The following LTBP4 variants were observed in gnomAD, a reference collection of about 807,000 sequenced individuals.
LTBP4 encodes latent-transforming growth factor beta-binding protein 4.
LTBP4 carries 93 observed loss-of-function variants against 180.2 expected under a neutral mutation model. The ratio of observed to expected loss-of-function variants is 0.52; its 90% CI spans 0.44 to 0.61. The LOEUF is 0.61. Among genes scored for constraint, LTBP4 ranks in the 20% least tolerant of loss-of-function variants. LTBP4 has a pLI of 0.00. For missense variants in LTBP4, 2,116 were observed against 2,256.5 expected, an observed-to-expected ratio of 0.94 and a Z score of 1.26; for synonymous variants, 947 against 934.5, an observed-to-expected ratio of 1.01 and a Z score of -0.24.
At chr19:40,604,887 G>A (rs1257042523) in intron 1 of LTBP4, 148 bp from the exon 2 acceptor site, 2 of 674,844 alleles carry the variant, frequency 3.0e-6, no homozygotes, top group Non-Finnish European at 5.0e-6. Context: ...ACTGGACTGG[G>A]CCAATGCTGA....
At chr19:40,599,359 G>A (rs2081407889), upstream of LTBP4, 3 of 1,610,528 alleles carry the variant, frequency 1.9e-6, no homozygotes, top group East Asian at 6.7e-5. Flanking sequence ...AGAGCTGGAT[G>A]CATTTGGTAG....
intron 26 of LTBP4, 64 bp from the exon 27 acceptor site, chr19:40,625,793 G>C: frequency 7.1e-7 from 1 of 1,410,514 alleles, no homozygotes; most frequent in Non-Finnish European, 9.4e-7. Flanking sequence ...GCAGGGGAAG[G>C]GTCCAGCCCC....
intron 28 of LTBP4, 71 bp from the exon 29 acceptor site, chr19:40,627,634 G>T (rs1238293328): frequency 1.3e-6 from 2 of 1,509,832 alleles, no homozygotes; most frequent in Non-Finnish European, 8.9e-7. Flanking sequence ...AGCCAAGGAC[G>T]CGCACCCACC....
In LTBP4 at chr19:40,622,577, C is replaced by T. The variant is rs376662567; in HGVS notation, c.3394C>T (p.Arg1132Trp). The change falls in exon 23 of 30, where the codon CGG becomes TGG. Residue 1132 changes from arginine to tryptophan, a missense_variant. Coordinates refer to ENST00000396819, the MANE Select transcript of LTBP4 (RefSeq NM_001042545.2). The surrounding 1 kb of genome is among the most constrained non-coding windows in gnomAD (Gnocchi z 5.1). ...GGATGCATGTGACAACATCCTGGCT[C>T]GGAATGTGACATGGCAGGAGTGCTG... ...APDACDNILA[R>W]NVTWQECCCT... 1.1e-4 allele frequency: 170 copies of T among 1,613,674 alleles called. 2 individuals carry two copies. Among genetic ancestry groups the T allele is most frequent in the African/African-American group, 1.3e-4 (10 of 74,900 alleles).
chr19:40,597,277 G>A, upstream of LTBP4: 1 of 1,521,304 alleles, frequency 6.6e-7, no homozygotes, highest in Non-Finnish European at 8.8e-7. Flanking sequence ...CCTCCTGCTG[G>A]TGCTGTTGCT....
At position 40,613,422 on chromosome 19, in the gene LTBP4, A is replaced by G. The variant is rs1405499202; in HGVS notation, c.2450A>G (p.Glu817Gly). The change falls in exon 17 of 30, where the codon GAG becomes GGG. Residue 817 changes from glutamate to glycine, a missense_variant. Physicochemically the swap from Glu to Gly is moderately conservative, Grantham distance 98. Around this residue, in one of 5 missense-constraint regions of LTBP4, gnomAD observed 877 missense variants for 873.6 expected, o/e 1.00. Coordinates refer to ENST00000396819, the MANE Select transcript of LTBP4 (RefSeq NM_001042545.2). This position sits in a 1 kb window ranked among gnomAD's most constrained non-coding sequence, Gnocchi z 5.0. The part of the protein sequence containing the change: ...GPCADVNECL[E>G]GDFCFPHGEC... The stretch of plus-strand genomic sequence containing the variant: ...ACCCTAGACGTGAACGAGTGCCTGG[A>G]GGGCGATTTCTGCTTCCCTCACGGC... The G allele has an allele frequency of 3.7e-6, 6 of 1,606,512 alleles. No homozygotes were observed. Among genetic ancestry groups the G allele is most frequent in the African/African-American group, 2.7e-5 (2 of 74,788 alleles).
At position 40,629,461 on chromosome 19, in the gene LTBP4, A is replaced by G. The variant is rs760746349; in HGVS notation, c.4585A>G (p.Thr1529Ala). 7 of 1,611,386 alleles carry G rather than the reference A, an allele frequency of 4.3e-6. No homozygotes were observed. Among genetic ancestry groups the G allele is most frequent in the Non-Finnish European group, 5.9e-6 (7 of 1,178,726 alleles). The change falls in exon 30 of 30, where the codon ACG becomes GCG. Residue 1529 changes from threonine (T) to alanine (A), a missense_variant. This residue lies in a region of LTBP4 where 488 missense variants were observed against 458.8 expected (regional missense o/e 1.06). Transcript: ENST00000396819. This position sits in a 1 kb window ranked among gnomAD's most constrained non-coding sequence, Gnocchi z 4.5. ...GTGCGTCAACGCGCGTTGCCTCAAC[A>G]CGGATGGCTCCTTCCGCTGCATCTG... ...PLCVNARCLN[T>A]DGSFRCICRP...
At position 40,627,013 on chromosome 19, in the gene LTBP4, G is replaced by A. The variant is rs370362292; in HGVS notation, c.4024G>A (p.Ala1342Thr). 7.1e-5 allele frequency: 113 copies of A among 1,592,782 alleles called. No individual in the cohort carries two copies. The highest frequency in any genetic ancestry group is 9.0e-5 in the South Asian group (8 of 89,002). The change falls in exon 28 of 30, where the codon GCA becomes ACA. Residue 1342 changes from alanine to threonine, a missense_variant. Physicochemically the swap from Ala to Thr is moderately conservative, Grantham distance 58. Transcript: ENST00000396819. ...EALCNVLRPP[A>T]YSPPRPGGFG... is the part of the protein sequence containing the mutation. ...CCTGTGCAATGTGCTACGCCCCCCC[G>A]CATATAGCCCCCCGCGACCAGGTGG...
At chr19:40,618,353 G>A (rs1312648288) in intron 21 of LTBP4, among the ~76,000 whole-genome samples, 3 of 150,508 alleles carry the variant, frequency 2.0e-5, no homozygotes, top group Non-Finnish European at 4.4e-5. Flanking sequence ...TCCACCTCCC[G>A]GGTTCAAGCA....
chr19:40,603,132 C>T (rs1434262397), intron 1 of LTBP4, among the ~76,000 whole-genome samples: 1 of 152,182 alleles, frequency 6.6e-6, no homozygotes, highest in African/African-American at 2.4e-5. Flanking sequence ...TTCCCTCCCA[C>T]CTCCCAAACT....
At chr19:40,607,635 C>A in intron 7 of LTBP4, 106 bp downstream of exon 7, 1 of 1,312,898 alleles carries the variant, frequency 7.6e-7, no homozygotes, top group Non-Finnish European at 1.0e-6. Flanking sequence ...ACTGGCTGGG[C>A]TCCAGCCTTG....
intron 21 of LTBP4, among the ~76,000 whole-genome samples, chr19:40,619,093 T>C (rs529890428): frequency 1.3e-5 from 2 of 152,056 alleles, no homozygotes; most frequent in Non-Finnish European, 2.9e-5. Flanking sequence ...AATGCCGTCA[T>C]CTGTTTGGTC....
Position 40,626,956 on chromosome 19 carries a change from C to T in LTBP4, c.3986-19C>T, listed in dbSNP as rs1381688907. On this transcript the variant is annotated intron_variant, in intron 27 of 29. Coordinates refer to ENST00000396819, the MANE Select transcript of LTBP4 (RefSeq NM_001042545.2). ...GGGGCCAGCAGGGGCTGATTGTTTGCCTTGGCTCCTGTTCCCAGATGACTT... is the reference window on the plus strand; with the variant it reads ...GGGGCCAGCAGGGGCTGATTGTTTGTCTTGGCTCCTGTTCCCAGATGACTT... 1 of 1,526,924 alleles carries T rather than the reference C, an allele frequency of 6.5e-7. No homozygotes were observed. The highest frequency in any genetic ancestry group is 2.0e-5 in the Admixed American group (1 of 50,398). The allele number at this position is 1,526,924 out of a possible 1,614,324, so 94.6% of individuals were successfully genotyped here. A position where few individuals can be genotyped will look rare whatever the true frequency, so the allele number is the denominator to read the frequency against.
chr19:40,619,103 C>T (rs760647147), intron 21 of LTBP4, among the ~76,000 whole-genome samples: 2 of 151,980 alleles, frequency 1.3e-5, no homozygotes, highest in South Asian at 4.1e-4. Flanking sequence ...TCTGTTTGGT[C>T]ATTCCTGGAA....
intron 27 of LTBP4, among the ~76,000 whole-genome samples, chr19:40,626,381 T>G (rs1438660317): frequency 1.3e-5 from 2 of 152,024 alleles, no homozygotes; most frequent in Non-Finnish European, 2.9e-5. Flanking sequence ...CTCACCATCC[T>G]GGCCCCAGAC....
Position 40,625,255 on chromosome 19 carries a change from TATATATATATATATA to T in LTBP4, c.3833-601_3833-587del, listed in dbSNP as rs2081616613. The stretch of plus-strand genomic sequence containing the variant: ...CAAGCCTGGCTAATTTTTGTATTTA[TATATATATATATATA>T]TATATATATATATATATATATATAT... On this transcript the variant is annotated intron_variant, in intron 26 of 29. Transcript: ENST00000396819. Among the ~76,000 whole-genome samples the T allele has an allele frequency of 4.7e-3, 9 of 1,912 alleles. 2 individuals carry two copies. Among genetic ancestry groups the T allele is most frequent in the South Asian group, 0.022 (1 of 46 alleles). The allele number at this position is 1,912 out of a possible 152,430, so 1.3% of individuals were successfully genotyped here. A position where few individuals can be genotyped will look rare whatever the true frequency, so the allele number is the denominator to read the frequency against.
At chr19:40,625,126 A>T (rs2081614699) in intron 26 of LTBP4, among the ~76,000 whole-genome samples, 1 of 149,096 alleles carries the variant, frequency 6.7e-6, no homozygotes, top group East Asian at 2.0e-4. Flanking sequence ...ATCCAAGCTG[A>T]AGTACAGTGG....
At chr19:40,598,808 G>A (rs1270173985), upstream of LTBP4, among the ~76,000 whole-genome samples, 1 of 152,164 alleles carries the variant, frequency 6.6e-6, no homozygotes, top group Non-Finnish European at 1.5e-5. Flanking sequence ...CTGAGTCCCG[G>A]ACCGGGATGT....
chr19:40,608,800 A>G (rs1050916221), intron 9 of LTBP4, 197 bp downstream of exon 9: 6 of 527,978 alleles, frequency 1.1e-5, no homozygotes, highest in Non-Finnish European at 2.0e-5. Flanking sequence ...AATCCCAGCT[A>G]CTTGGGAGGC....
Sources: allele counts gnomAD v4.1 joint callset (sites outside exome capture counted in the v4.1 genomes callset), GRCh38; gene constraint gnomAD v4.1.1; regional missense constraint gnomAD v4.1.1; non-coding constraint Gnocchi (gnomAD v3.1); transcripts MANE v1.5; gene names NCBI Gene and HGNC (gene_info 2026-07-23, HGNC 2026-07-21).